The following ROBO2 variants were observed in gnomAD, a reference collection of about 807,000 sequenced individuals.
The protein encoded by ROBO2 is roundabout guidance receptor 2.
In ROBO2, 53 loss-of-function variants were observed where a neutral mutation model predicts 160.8. The ratio of observed to expected loss-of-function variants is 0.33; its 90% CI spans 0.26 to 0.41. The LOEUF is 0.41. ROBO2 is among the 10% of genes least tolerant of loss of function. The pLI is 1.00. For missense variants in ROBO2, 1,577 were observed against 1,722.4 expected (o/e 0.92, Z 1.49); for synonymous variants, 664 against 611.7 (o/e 1.09, Z -1.26).
intron 2 of ROBO2, among the ~76,000 whole-genome samples, chr3:76,059,348 G>C (rs2067982323): frequency 6.6e-6 from 1 of 152,012 alleles, no homozygotes; most frequent in Admixed American, 6.5e-5. Flanking sequence ...CATTCTAACT[G>C]GTGTGAGATG....
At chr3:76,561,607 A>G (rs1200881520) in intron 2 of ROBO2, among the ~76,000 whole-genome samples, 3 of 152,196 alleles carry the variant, frequency 2.0e-5, no homozygotes, top group Non-Finnish European at 2.9e-5. Flanking sequence ...AGAACAAGGA[A>G]GCATTTGTGT....
intron 2 of ROBO2, among the ~76,000 whole-genome samples, chr3:77,360,255 C>A (rs865984680): frequency 8.6e-5 from 13 of 150,538 alleles, no homozygotes; most frequent in South Asian, 6.4e-4. Flanking sequence ...TAATGCAACC[C>A]CCCCCCCAAA....
At chr3:77,289,184 G>A (rs1238348685) in intron 2 of ROBO2, among the ~76,000 whole-genome samples, 1 of 152,156 alleles carries the variant, frequency 6.6e-6, no homozygotes, top group Non-Finnish European at 1.5e-5. Context: ...ACTGATGTGA[G>A]GGGAGGTGCT....
intron 2 of ROBO2, among the ~76,000 whole-genome samples, chr3:76,547,080 A>T (rs1432597961): frequency 6.6e-6 from 1 of 152,044 alleles, no homozygotes; most frequent in African/African-American, 2.4e-5. Context: ...CAGAAATCAA[A>T]AATTTTCCCT....
rs185883825 is a variant in ROBO2 at position 75,908,035 on chromosome 3, T to A, written c.-14+1075T>A. 4.2e-3 allele frequency among the ~76,000 whole-genome samples: 638 copies of A among 152,252 alleles called. 7 individuals carry two copies. The highest frequency in any genetic ancestry group is 0.015 in the African/African-American group (603 of 41,562). ...TTTTGGGTCTGTTTTTTTAAAAAAATTCAATACTTACTTTGTGGGCCTTGC... is the reference window on the plus strand; with the variant it reads ...TTTTGGGTCTGTTTTTTTAAAAAAAATCAATACTTACTTTGTGGGCCTTGC... On this transcript the variant is annotated intron_variant, in intron 1 of 26. Transcript: ENST00000487694.
At position 76,329,495 on chromosome 3, in the gene ROBO2, G is replaced by T. The variant is rs139040506; in HGVS notation, c.109+391893G>T. Among the ~76,000 whole-genome samples the T allele has an allele frequency of 3.4e-3, 512 of 152,324 alleles. 6 individuals are homozygous for T. The highest frequency in any genetic ancestry group is 0.024 in the Admixed American group (373 of 15,308). On this transcript the variant is annotated intron_variant, in intron 2 of 26. Transcript: ENST00000487694. ...GGCCTCTCAAAGTGCTGGGATAACA[G>T]GCCTGAGCCACGGCATCCGTCCTCA... is the stretch of plus-strand genomic sequence containing the variant.
chr3:77,471,844 G>A (rs1005789704), intron 2 of ROBO2, among the ~76,000 whole-genome samples: 1 of 152,170 alleles, frequency 6.6e-6, no homozygotes, highest in Non-Finnish European at 1.5e-5. Flanking sequence ...TGGGCCTGAA[G>A]AACAAAGGGT....
intron 1 of ROBO2, among the ~76,000 whole-genome samples, chr3:75,920,778 C>T (rs1431668665): frequency 7.9e-5 from 12 of 151,868 alleles, no homozygotes; most frequent in African/African-American, 2.4e-4. Context: ...TTTACTACTA[C>T]GTAATGCCCT....
intron 2 of ROBO2, among the ~76,000 whole-genome samples, chr3:76,575,657 C>A (rs1490898953): frequency 6.6e-6 from 1 of 152,022 alleles, no homozygotes; most frequent in Non-Finnish European, 1.5e-5. Context: ...CATTCTTTAT[C>A]TTTCTTTCCA....
chr3:77,190,093 A>G (rs957184939), intron 2 of ROBO2, among the ~76,000 whole-genome samples: 2 of 151,956 alleles, frequency 1.3e-5, no homozygotes, highest in Non-Finnish European at 2.9e-5. Flanking sequence ...CTTTGAAATG[A>G]CGTATTTGTT....
intron 2 of ROBO2, among the ~76,000 whole-genome samples, chr3:77,342,441 A>T (rs1189969798): frequency 6.6e-6 from 1 of 152,138 alleles, no homozygotes; most frequent in Non-Finnish European, 1.5e-5. Context: ...TGATTTTTAG[A>T]AATAAAATAA....
intron 2 of ROBO2, among the ~76,000 whole-genome samples, chr3:76,527,506 G>T (rs2082009680): frequency 6.6e-6 from 1 of 152,012 alleles, no homozygotes; most frequent in Non-Finnish European, 1.5e-5. Context: ...TCAATCTGCT[G>T]CTCCTCAGTG....
Position 77,294,343 on chromosome 3 carries a change from C to T in ROBO2, c.389-183071C>T, listed in dbSNP as rs1309422171. 7.9e-4 allele frequency among the ~76,000 whole-genome samples: 112 copies of T among 141,964 alleles called. 6 individuals are homozygous for T. The highest frequency in any genetic ancestry group is 7.4e-4 in the Non-Finnish European group (49 of 66,300). 93.1% of individuals were successfully genotyped at this position (141,964 alleles called of 152,430 possible). A position where few individuals can be genotyped will look rare whatever the true frequency, so the allele number is the denominator to read the frequency against. On this transcript the variant is annotated intron_variant, in intron 2 of 25. Coordinates refer to ENST00000461745, the Ensembl canonical transcript of ROBO2. ...TAAGCTGAGGCTAGATCACCAAAGACATAAAGTAAAATTGATGGTTAAACG... is the reference window on the plus strand; with the variant it reads ...TAAGCTGAGGCTAGATCACCAAAGATATAAAGTAAAATTGATGGTTAAACG...
intron 2 of ROBO2, among the ~76,000 whole-genome samples, chr3:76,629,538 C>CTT (rs1459425722): frequency 6.6e-6 from 1 of 152,136 alleles, no homozygotes; most frequent in Non-Finnish European, 1.5e-5. Context: ...CCCGTCTAGT[C>CTT]TTTCCATGTT....
chr3:76,200,676 G>A (rs2107247764), intron 2 of ROBO2, among the ~76,000 whole-genome samples: 1 of 152,096 alleles, frequency 6.6e-6, no homozygotes, highest in African/African-American at 2.4e-5. Context: ...ATACCACCAA[G>A]CATCTCCACA....
chr3:76,606,907 T>C (rs141754996), intron 2 of ROBO2, among the ~76,000 whole-genome samples: 206 of 152,296 alleles, frequency 1.4e-3, no homozygotes, highest in Non-Finnish European at 2.1e-3. Flanking sequence ...TGAGTTCTTA[T>C]ATATGCTCAA....
chr3:76,567,761 G>GTT (rs1560163582), intron 2 of ROBO2, among the ~76,000 whole-genome samples: 1 of 63,148 alleles, frequency 1.6e-5, no homozygotes, highest in Non-Finnish European at 3.5e-5. Flanking sequence ...ATATATATCT[G>GTT]TCTGTGTGTG....
chr3:77,392,157 A>G (rs2074798440), intron 2 of ROBO2, among the ~76,000 whole-genome samples: 1 of 152,190 alleles, frequency 6.6e-6, no homozygotes, highest in South Asian at 2.1e-4. Context: ...TAGTGGCTAC[A>G]ATAATGAAAT....
chr3:76,097,970 T>C (rs543604986), intron 2 of ROBO2, among the ~76,000 whole-genome samples: 12 of 152,202 alleles, frequency 7.9e-5, no homozygotes, highest in African/African-American at 2.6e-4. Context: ...TCTTGGTAAA[T>C]AAAACAGCAT....
Sources: gnomAD v4.1 joint callset for allele counts (sites outside exome capture counted in the v4.1 genomes callset) on GRCh38, gnomAD v4.1.1 for gene constraint, MANE v1.5 for transcripts, NCBI Gene and HGNC (gene_info 2026-07-23, HGNC 2026-07-21) for gene names.